Variants in PTPRD observed in about 807,000 individuals in gnomAD.
The protein encoded by PTPRD is receptor-type tyrosine-protein phosphatase delta.
In PTPRD, 34 loss-of-function variants were observed where a neutral mutation model predicts 214.5. The ratio of observed to expected loss-of-function variants is 0.16; its 90% confidence interval spans 0.12 to 0.21. PTPRD has a LOEUF of 0.21. PTPRD is among the 10% of genes least tolerant of loss of function. PTPRD has a pLI of 1.00. For missense variants in PTPRD, 2,545 were observed against 2,398.7 expected, an observed-to-expected ratio of 1.06 and a Z score of -1.27; for synonymous variants, 1,128 against 845.7, an observed-to-expected ratio of 1.33 and a Z score of -5.79.
At chr9:9,424,829 CG>C (rs1208114828) in intron 8 of PTPRD, among the ~76,000 whole-genome samples, 1 of 151,946 alleles carries the variant, frequency 6.6e-6, no homozygotes, top group African/African-American at 2.4e-5. Context: ...ATTTAGAAAA[CG>C]ACAATTTAAT....
chr9:9,944,523 A>C (rs1011550819), intron 4 of PTPRD, among the ~76,000 whole-genome samples: 1 of 152,102 alleles, frequency 6.6e-6, no homozygotes, highest in Non-Finnish European at 1.5e-5. Flanking sequence ...AGATTTTTTT[A>C]ATATGGGAAT....
chr9:8,949,027 C>T (rs2099087620), intron 11 of PTPRD, among the ~76,000 whole-genome samples: 2 of 151,708 alleles, frequency 1.3e-5, no homozygotes, highest in Non-Finnish European at 2.9e-5. Flanking sequence ...AGTTTGAGAC[C>T]AGCCTGACTA....
At chr9:9,165,759 A>G (rs2099902179) in intron 10 of PTPRD, among the ~76,000 whole-genome samples, 1 of 152,204 alleles carries the variant, frequency 6.6e-6, no homozygotes, top group South Asian at 2.1e-4. Context: ...CCAATAGTCA[A>G]TGTGTGATAT....
intron 7 of PTPRD, among the ~76,000 whole-genome samples, chr9:9,645,193 T>C (rs1307076164): frequency 1.3e-5 from 2 of 152,192 alleles, no homozygotes; most frequent in Non-Finnish European, 2.9e-5. Flanking sequence ...CACATCCCCA[T>C]TGCAAGTTCC....
chr9:10,191,084 T>C (rs1188015432), intron 3 of PTPRD, among the ~76,000 whole-genome samples: 3 of 152,018 alleles, frequency 2.0e-5, no homozygotes, highest in Non-Finnish European at 4.4e-5. Context: ...AATAAATAAA[T>C]AAAAATCAGG....
chr9:9,027,403 G>C (rs1330510086), intron 10 of PTPRD, among the ~76,000 whole-genome samples: 1 of 151,876 alleles, frequency 6.6e-6, no homozygotes. Flanking sequence ...TTCGTTTGTA[G>C]TGATAATGGA....
intron 8 of PTPRD, among the ~76,000 whole-genome samples, chr9:9,501,124 AAAGC>A (rs1044557135): frequency 2.0e-5 from 3 of 152,016 alleles, no homozygotes; most frequent in African/African-American, 7.2e-5. Flanking sequence ...AAAACAATAA[AAAGC>A]AAGGTAAAAA....
At chr9:8,760,711 A>T (rs569649772) in intron 11 of PTPRD, among the ~76,000 whole-genome samples, 1 of 151,956 alleles carries the variant, frequency 6.6e-6, no homozygotes, top group East Asian at 1.9e-4. Context: ...ATGGGAATGT[A>T]TATCTCCCTT....
intron 3 of PTPRD, among the ~76,000 whole-genome samples, chr9:10,241,068 A>C (rs1292391557): frequency 2.0e-5 from 3 of 151,890 alleles, no homozygotes; most frequent in Admixed American, 6.6e-5. Context: ...AAAAATATCT[A>C]TATGGATTAC....
At chr9:10,201,098 G>A (rs939863508) in intron 3 of PTPRD, among the ~76,000 whole-genome samples, 1 of 151,922 alleles carries the variant, frequency 6.6e-6, no homozygotes, top group African/African-American at 2.4e-5. Flanking sequence ...TTATAAAAAT[G>A]GTACGGAAAA....
intron 5 of PTPRD, among the ~76,000 whole-genome samples, chr9:9,839,306 T>C (rs4577999): frequency 0.43 from 65,277 of 151,496 alleles, 16,373 homozygotes; most frequent in Non-Finnish European, 0.58. Flanking sequence ...GAAAACCCCA[T>C]TGTCTCAGCC....
chr9:9,720,699 A>G (rs2097919947), intron 7 of PTPRD, among the ~76,000 whole-genome samples: 1 of 152,164 alleles, frequency 6.6e-6, no homozygotes, highest in Non-Finnish European at 1.5e-5. Flanking sequence ...ACAGGAGTTT[A>G]AATTGCAGTA....
rs1261914205 is a variant in PTPRD at position 9,613,123 on chromosome 9, TATACATACATAC to T, written c.-286-38354_-286-38343del. Among the ~76,000 whole-genome samples, 220 of 43,890 alleles carry T rather than the reference TATACATACATAC, an allele frequency of 5.0e-3. 12 individuals are homozygous for T. Among genetic ancestry groups the T allele is most frequent in the African/African-American group, 0.015 (215 of 14,088 alleles). 28.8% of individuals were successfully genotyped at this position (43,890 alleles called of 152,430 possible). A position where few individuals can be genotyped will look rare whatever the true frequency, so the allele number is the denominator to read the frequency against. On this transcript the variant is annotated intron_variant, in intron 7 of 45. Coordinates refer to ENST00000381196, the MANE Select transcript of PTPRD (RefSeq NM_002839.4). ...CATACATATAATAGCTAGGCTGCAGTATACATACATACATATATATATATATATATATATATA... is the reference window on the plus strand; with the variant it reads ...CATACATATAATAGCTAGGCTGCAGTATATATATATATATATATATATATA...
At chr9:9,616,404 A>G (rs2094864651) in intron 7 of PTPRD, among the ~76,000 whole-genome samples, 1 of 152,176 alleles carries the variant, frequency 6.6e-6, no homozygotes, top group Non-Finnish European at 1.5e-5. Context: ...TTATCGCAAC[A>G]AAAGTAAGCT....
At chr9:10,167,679 C>T (rs1449956695) in intron 3 of PTPRD, among the ~76,000 whole-genome samples, 1 of 152,140 alleles carries the variant, frequency 6.6e-6, no homozygotes, top group Non-Finnish European at 1.5e-5. Context: ...CTTCCAAAGC[C>T]TCTGAGGCTA....
intron 11 of PTPRD, among the ~76,000 whole-genome samples, chr9:8,750,063 C>T (rs912851256): frequency 3.3e-5 from 5 of 151,630 alleles, no homozygotes; most frequent in Non-Finnish European, 5.9e-5. Context: ...GCTCGCGCCA[C>T]TGCACTCCAG....
rs78175063 is a variant in PTPRD at position 8,558,369 on chromosome 9, G to A, written c.353-29590C>T. On this transcript the variant is annotated intron_variant, in intron 14 of 45. Coordinates refer to ENST00000381196, the MANE Select transcript of PTPRD (RefSeq NM_002839.4). ...TTTCCTAATAGTGATTCATCACCAA[G>A]AAGCAGTAACAGACTCTCCCTCCTT... Among the ~76,000 whole-genome samples the A allele has an allele frequency of 5.5e-3, 832 of 152,248 alleles. 7 individuals are homozygous for A. The highest frequency in any genetic ancestry group is 0.019 in the African/African-American group (794 of 41,548).
intron 8 of PTPRD, among the ~76,000 whole-genome samples, chr9:9,518,368 A>ATAGTAGCATTG (rs1358348095): frequency 3.3e-5 from 5 of 152,090 alleles, no homozygotes; most frequent in Non-Finnish European, 5.9e-5. Flanking sequence ...TAGTGAAAAT[A>ATAGTAGCATTG]TAGTAGCATT....
At chr9:9,964,187 G>T (rs1323949426) in intron 4 of PTPRD, among the ~76,000 whole-genome samples, 1 of 138,458 alleles carries the variant, frequency 7.2e-6, no homozygotes, top group Non-Finnish European at 1.7e-5. Flanking sequence ...TTCTCAAATT[G>T]GGGGAAAAAA....
Sources: allele counts gnomAD v4.1 joint callset (sites outside exome capture counted in the v4.1 genomes callset), GRCh38; gene constraint gnomAD v4.1.1; transcripts MANE v1.5; gene names NCBI Gene and HGNC (gene_info 2026-07-23, HGNC 2026-07-21).